ZNF541: variants seen among roughly 807,000 people sequenced by gnomAD.
The protein encoded by ZNF541 is zinc finger protein 541.
ZNF541 carries 23 observed loss-of-function variants against 123.5 expected under a neutral mutation model. The ratio of observed to expected loss-of-function variants is 0.19; its 90% CI spans 0.13 to 0.26. The LOEUF (loss-of-function observed/expected upper bound fraction) is 0.26. ZNF541 is among the 10% of genes least tolerant of loss of function. The pLI is 1.00. For synonymous variants in ZNF541, 751 were observed against 754.5 expected, an observed-to-expected ratio of 1.00 and a Z score of 0.08; for missense variants, 1,612 against 1,789.9, an observed-to-expected ratio of 0.90 and a Z score of 1.79.
rs73940879 is a variant in ZNF541 at position 47,522,034 on chromosome 19, G to A, written c.3571-40C>T. ...CAAGCAGGCTGTGGCTGTGCCACGCGGGCCCTGGGAGTGTGACCTTGCCAT... is the reference window on the plus strand; with the variant it reads ...CAAGCAGGCTGTGGCTGTGCCACGCAGGCCCTGGGAGTGTGACCTTGCCAT... On this transcript the variant is annotated intron_variant, in intron 14 of 16. Coordinates refer to ENST00000391901, the MANE Select transcript of ZNF541 (RefSeq NM_001277075.3). The A allele has an allele frequency of 7.3e-3, 11,287 of 1,549,516 alleles. 645 individuals are homozygous for A. In the African/African-American group the frequency reaches 0.13, roughly 18 times the overall value.
intron 2 of ZNF541, among the ~76,000 whole-genome samples, chr19:47,570,644 C>G (rs1971444502): frequency 1.3e-5 from 2 of 150,558 alleles, no homozygotes; most frequent in South Asian, 4.2e-4. Context: ...TTTATTACTG[C>G]CCTTTTAAAA....
In ZNF541 at chr19:47,544,559, G is replaced by C; in HGVS notation, c.1970C>G (p.Pro657Arg). ...AKGGLKVAAVPTPLAAPSLDP... is the reference protein window; with the variant it reads ...AKGGLKVAAVRTPLAAPSLDP... ...CAGAGACGGTGCTGCAAGGGGCGTT[G>C]GAACCGCGGCCACTTTCAGTCCCCC... The change falls in exon 5 of 17, where the codon CCA becomes CGA. Residue 657 changes from proline (P) to arginine (R), a missense_variant. Around this residue, in one of 5 missense-constraint regions of ZNF541, gnomAD observed 1,080 missense variants for 1,013.8 expected, o/e 1.07. Coordinates refer to ENST00000391901, the MANE Select transcript of ZNF541 (RefSeq NM_001277075.3). 1 of 1,551,596 alleles carries C rather than the reference G, an allele frequency of 6.4e-7. No individual in the cohort carries two copies. The highest frequency in any genetic ancestry group is 8.7e-7 in the Non-Finnish European group (1 of 1,146,986).
rs866624685 is a variant in ZNF541, at chr19:47,538,183, G to T, written c.3053C>A (p.Ser1018Tyr). 1 of 1,551,398 alleles carries T rather than the reference G, an allele frequency of 6.4e-7. No individual in the cohort carries two copies. The highest frequency in any genetic ancestry group is 8.7e-7 in the Non-Finnish European group (1 of 1,146,986). ...GAGCTGGTCAGGGCTGGCCTGAGTGGACGTGGAACAGAGGGTGTTGAAGTA... is the reference window on the plus strand; with the variant it reads ...GAGCTGGTCAGGGCTGGCCTGAGTGTACGTGGAACAGAGGGTGTTGAAGTA... Reference protein sequence around the residue: ...GVYFNTLCSTSTQASPDQLIS... With the variant: ...GVYFNTLCSTYTQASPDQLIS... The change falls in exon 9 of 17, where the codon TCC becomes TAC. Residue 1018 changes from serine (S) to tyrosine (Y), a missense_variant. Transcript: ENST00000391901.
chr19:47,563,835 A>C (rs1179208179), intron 2 of ZNF541, among the ~76,000 whole-genome samples: 2 of 151,866 alleles, frequency 1.3e-5, no homozygotes, highest in Non-Finnish European at 2.9e-5. Flanking sequence ...CAAACTCCTG[A>C]CCTCAGGTGA....
intron 14 of ZNF541, among the ~76,000 whole-genome samples, chr19:47,524,080 C>G (rs1969175066): frequency 6.6e-6 from 1 of 152,172 alleles, no homozygotes; most frequent in African/African-American, 2.4e-5. Flanking sequence ...GGCAGTGACA[C>G]AGTCTTGCCT....
chr19:47,572,691 A>G (rs1211243832), intron 1 of ZNF541, among the ~76,000 whole-genome samples: 1 of 149,812 alleles, frequency 6.7e-6, no homozygotes, highest in Non-Finnish European at 1.5e-5. Flanking sequence ...TGCAAGGCCC[A>G]GATGCAGAAG....
At chr19:47,568,490 T>C (rs984443777) in intron 2 of ZNF541, among the ~76,000 whole-genome samples, 5 of 152,124 alleles carry the variant, frequency 3.3e-5, no homozygotes, top group African/African-American at 1.2e-4. Flanking sequence ...TTTACAAGCA[T>C]GTGCCACCAC....
At chr19:47,563,661 C>T (rs1971152254) in intron 2 of ZNF541, among the ~76,000 whole-genome samples, 1 of 152,134 alleles carries the variant, frequency 6.6e-6, no homozygotes, top group South Asian at 2.1e-4. Flanking sequence ...GGCTAGAGTG[C>T]AGTGGTGCAA....
At chr19:47,570,313 C>T (rs2123444374) in intron 2 of ZNF541, among the ~76,000 whole-genome samples, 1 of 148,710 alleles carries the variant, frequency 6.7e-6, no homozygotes, top group East Asian at 2.0e-4. Flanking sequence ...CGTGGTGGTT[C>T]ATGCCTGTAA....
chr19:47,567,489 A>C (rs1971310836), intron 2 of ZNF541, among the ~76,000 whole-genome samples: 2 of 152,156 alleles, frequency 1.3e-5, no homozygotes, highest in African/African-American at 2.4e-5. Context: ...CGAACTCCTT[A>C]CCTCAAATGA....
At chr19:47,556,819 G>A (rs558202335) in intron 2 of ZNF541, among the ~76,000 whole-genome samples, 13 of 149,792 alleles carry the variant, frequency 8.7e-5, no homozygotes, top group African/African-American at 2.7e-4. Context: ...GTGCAGTGGC[G>A]GGATCTCGGC....
rs1404452323 is a variant in ZNF541, at chr19:47,545,496, G to C, written c.1033C>G (p.Pro345Ala). 1 of 1,495,790 alleles carries C rather than the reference G, an allele frequency of 6.7e-7. No individual in the cohort carries two copies. Among genetic ancestry groups the C allele is most frequent in the Admixed American group, 2.3e-5 (1 of 42,816 alleles). 92.7% of individuals were successfully genotyped at this position (1,495,790 alleles called of 1,614,324 possible). The change falls in exon 5 of 17, where the codon CCG (proline) becomes GCG (alanine). Residue 345 changes from proline to alanine, a missense_variant. By Grantham distance (27) the Pro-to-Ala change is conservative (BLOSUM62 -1). This residue lies in a region of ZNF541 where 1,080 missense variants were observed against 1,013.8 expected (regional missense o/e 1.07). Coordinates refer to ENST00000391901, the MANE Select transcript of ZNF541 (RefSeq NM_001277075.3). The surrounding 1 kb of genome is among the most constrained non-coding windows in gnomAD (Gnocchi z 7.5). The part of the protein sequence containing the change: ...PEEPCLPQKE[P>A]ATDVFTAPNS... The stretch of plus-strand genomic sequence containing the variant: ...GGGGCTGTGAACACGTCAGTGGCCG[G>C]CTCTTTCTGTGGGAGGCAAGGCTCC...
At chr19:47,529,380 T>C (rs560536389) in intron 13 of ZNF541, among the ~76,000 whole-genome samples, 197 bp downstream of exon 13, 1 of 152,242 alleles carries the variant, frequency 6.6e-6, no homozygotes, top group East Asian at 1.9e-4. Flanking sequence ...AGGAAACCAC[T>C]GGGAAAGGGC....
At chr19:47,554,466 G>A (rs539042878) in intron 3 of ZNF541, among the ~76,000 whole-genome samples, 12 of 152,222 alleles carry the variant, frequency 7.9e-5, no homozygotes, top group Admixed American at 5.2e-4. Context: ...AAAAAACCAC[G>A]AATATCTCGC....
At chr19:47,570,184 G>A (rs560560363) in intron 2 of ZNF541, among the ~76,000 whole-genome samples, 1 of 151,870 alleles carries the variant, frequency 6.6e-6, no homozygotes, top group African/African-American at 2.4e-5. Flanking sequence ...TGAGGCAGGA[G>A]AATGGTGTGA....
At chr19:47,552,611 C>T (rs1970644442) in intron 3 of ZNF541, among the ~76,000 whole-genome samples, 1 of 150,342 alleles carries the variant, frequency 6.7e-6, no homozygotes, top group East Asian at 2.0e-4. Flanking sequence ...GGGGCAGTGG[C>T]GGGCGCCTGT....
rs984876283 is a variant in ZNF541, at chr19:47,544,806, C to T, written c.1723G>A (p.Ala575Thr). The change falls in exon 5 of 17, where the codon GCA (alanine) becomes ACA (threonine). Residue 575 changes from alanine (A) to threonine (T), a missense_variant. Around this residue, in one of 5 missense-constraint regions of ZNF541, gnomAD observed 1,080 missense variants for 1,013.8 expected, o/e 1.07. Transcript: ENST00000391901. ...GGCGCAGGGAGCTGGGAGGAGACTG[C>T]TGCCACCTGGGCATGGGAGAAGATC... ...QRIFSHAQVA[A>T]VSSQLPAPEG... 31 of 1,529,186 alleles carry T rather than the reference C, an allele frequency of 2.0e-5. No individual in the cohort carries two copies. Among genetic ancestry groups the T allele is most frequent in the Non-Finnish European group, 2.7e-5 (31 of 1,142,390 alleles). 94.7% of individuals were successfully genotyped at this position (1,529,186 alleles called of 1,614,324 possible). A position where few individuals can be genotyped will look rare whatever the true frequency, so the allele number is the denominator to read the frequency against.
intron 2 of ZNF541, among the ~76,000 whole-genome samples, chr19:47,562,489 A>C (rs892978233): frequency 3.9e-5 from 6 of 152,124 alleles, no homozygotes; most frequent in Non-Finnish European, 8.8e-5. Context: ...GTCTGCAGTG[A>C]GTTGAGATTG....
At chr19:47,558,779 C>T in intron 2 of ZNF541, among the ~76,000 whole-genome samples, 1 of 150,144 alleles carries the variant, frequency 6.7e-6, no homozygotes, top group Non-Finnish European at 1.5e-5. Context: ...CAGTTTCACT[C>T]TGTTGCCCAG....
Sources: allele counts gnomAD v4.1 joint callset (sites outside exome capture counted in the v4.1 genomes callset), GRCh38; gene constraint gnomAD v4.1.1; regional missense constraint gnomAD v4.1.1; non-coding constraint Gnocchi (gnomAD v3.1); transcripts MANE v1.5; gene names NCBI Gene and HGNC (gene_info 2026-07-23, HGNC 2026-07-21).